The following MCC variants were observed in gnomAD, a reference collection of about 807,000 sequenced individuals.
MCC encodes the protein colorectal mutant cancer protein.
MCC carries 90 observed loss-of-function variants against 116.2 expected under a neutral mutation model. That is an observed-to-expected ratio of 0.77 (90% confidence interval 0.65 to 0.92). The LOEUF is 0.92. Among genes scored for constraint, MCC ranks in the 40% least tolerant of loss-of-function variants. The pLI, the probability that MCC is intolerant of heterozygous loss-of-function variation, is 0.00. For synonymous variants in MCC, 578 were observed against 510.5 expected, an observed-to-expected ratio of 1.13 and a Z score of -1.78; for missense variants, 1,516 against 1,312.2, an observed-to-expected ratio of 1.16 and a Z score of -2.40.
At chr5:113,257,830 C>T (rs1244511671) in intron 3 of MCC, among the ~76,000 whole-genome samples, 1 of 152,130 alleles carries the variant, frequency 6.6e-6, no homozygotes, top group African/African-American at 2.4e-5. Flanking sequence ...ATAATCAATA[C>T]CACATGTTCC....
At chr5:113,240,442 A>G (rs1463685819) in intron 3 of MCC, among the ~76,000 whole-genome samples, 3 of 152,212 alleles carry the variant, frequency 2.0e-5, no homozygotes, top group Non-Finnish European at 1.5e-5. Context: ...GAATCTGTTT[A>G]TAAGGCTTTG....
At chr5:113,311,933 T>C (rs1486646601) in intron 3 of MCC, among the ~76,000 whole-genome samples, 1 of 151,868 alleles carries the variant, frequency 6.6e-6, no homozygotes, top group African/African-American at 2.4e-5. Flanking sequence ...TGGTGAAACG[T>C]TGTCTCTACT....
rs938230969 is a variant in MCC, at chr5:113,046,189, A to C, written c.2656-2559T>G. Among the ~76,000 whole-genome samples the C allele has an allele frequency of 4.6e-5, 7 of 151,532 alleles. No individual in the cohort carries two copies. The East Asian group carries it at 9.7e-4, about 21-fold the overall frequency. On this transcript the variant is annotated intron_variant, in intron 16 of 18. Coordinates refer to ENST00000408903, the MANE Select transcript of MCC (RefSeq NM_001085377.2). The stretch of plus-strand genomic sequence containing the variant: ...ATCATCTGGCCTTTTCCATAGGATA[A>C]ATTTTCTTACTTTTTTTTTTTGAGA...
At chr5:113,083,935 A>T (rs931271953) in intron 10 of MCC, among the ~76,000 whole-genome samples, 166 bp downstream of exon 10, 1 of 152,254 alleles carries the variant, frequency 6.6e-6, no homozygotes, top group African/African-American at 2.4e-5. Flanking sequence ...GATGGAAATC[A>T]TCATACATTT....
At chr5:113,483,604 A>G (rs1772436401) in intron 1 of MCC, among the ~76,000 whole-genome samples, 1 of 152,200 alleles carries the variant, frequency 6.6e-6, no homozygotes, top group South Asian at 2.1e-4. Flanking sequence ...AGTTATTTTT[A>G]AAGAAAAAAT....
intron 3 of MCC, among the ~76,000 whole-genome samples, chr5:113,285,901 A>C (rs1222918902): frequency 1.3e-5 from 2 of 152,254 alleles, no homozygotes; most frequent in Non-Finnish European, 2.9e-5. Context: ...AACGGTTACA[A>C]GATAATAAAT....
At chr5:113,041,755 G>C (rs940417481) in intron 17 of MCC, among the ~76,000 whole-genome samples, 1 of 152,232 alleles carries the variant, frequency 6.6e-6, no homozygotes, top group African/African-American at 2.4e-5. Flanking sequence ...AGCACACTGT[G>C]AGGCCAAGGC....
intron 2 of MCC, among the ~76,000 whole-genome samples, chr5:113,363,409 G>A (rs1768599778): frequency 6.6e-6 from 1 of 152,208 alleles, no homozygotes. Flanking sequence ...CTTCTGGGGA[G>A]GCCTCAGTAA....
intron 1 of MCC, among the ~76,000 whole-genome samples, chr5:113,455,535 A>G (rs1771519328): frequency 6.6e-6 from 1 of 152,222 alleles, no homozygotes; most frequent in African/African-American, 2.4e-5. Context: ...AACTCCTCAC[A>G]GCAGCCCTCT....
At chr5:113,031,230 T>C (rs1307040422) in intron 17 of MCC, among the ~76,000 whole-genome samples, 2 of 152,068 alleles carry the variant, frequency 1.3e-5, no homozygotes, top group African/African-American at 2.4e-5. Flanking sequence ...CAGAACTCAT[T>C]TTTCAGTAAA....
At chr5:113,244,229 G>A (rs1764488605) in intron 3 of MCC, among the ~76,000 whole-genome samples, 2 of 152,154 alleles carry the variant, frequency 1.3e-5, no homozygotes, top group Admixed American at 1.3e-4. Flanking sequence ...GTTGGCCTCA[G>A]CTAATGATAT....
intron 2 of MCC, among the ~76,000 whole-genome samples, chr5:113,346,941 GAA>G (rs781393596): frequency 1.5e-5 from 2 of 131,618 alleles, no homozygotes; most frequent in East Asian, 2.2e-4. Flanking sequence ...AGTGCTGAAG[GAA>G]AAAAAAAAAA....
chr5:113,289,974 G>A (rs1766419990), intron 3 of MCC, among the ~76,000 whole-genome samples: 1 of 152,140 alleles, frequency 6.6e-6, no homozygotes, highest in East Asian at 1.9e-4. Context: ...GGCAAAAAAG[G>A]GTGTGTGAAT....
chr5:113,273,646 T>C (rs1765702025), intron 3 of MCC, among the ~76,000 whole-genome samples: 1 of 152,066 alleles, frequency 6.6e-6, no homozygotes, highest in Non-Finnish European at 1.5e-5. Flanking sequence ...GCAATACAAC[T>C]GTTAGGAAAG....
intron 1 of MCC, among the ~76,000 whole-genome samples, chr5:113,396,104 G>A (rs1182226734): frequency 6.6e-6 from 1 of 152,138 alleles, no homozygotes; most frequent in South Asian, 2.1e-4. Flanking sequence ...GAGGCAGGAG[G>A]ATTGCTTGAG....
chr5:113,031,799 T>C (rs537505710), intron 17 of MCC, among the ~76,000 whole-genome samples: 3 of 152,150 alleles, frequency 2.0e-5, no homozygotes, highest in African/African-American at 7.2e-5. Flanking sequence ...GAGGGAACTT[T>C]CTGGATCTGG....
At chr5:113,123,634 G>T (rs1022766202) in intron 5 of MCC, among the ~76,000 whole-genome samples, 3 of 152,184 alleles carry the variant, frequency 2.0e-5, no homozygotes, top group African/African-American at 7.2e-5. Flanking sequence ...TAGAATTGCA[G>T]TGTGTATTTC....
At chr5:113,308,180 C>G (rs1011350719) in intron 3 of MCC, among the ~76,000 whole-genome samples, 2 of 152,066 alleles carry the variant, frequency 1.3e-5, no homozygotes, top group Non-Finnish European at 2.9e-5. Flanking sequence ...TGCAATGTTG[C>G]CCAGGGTGGT....
intron 2 of MCC, among the ~76,000 whole-genome samples, chr5:113,372,173 C>A (rs1263767662): frequency 6.6e-6 from 1 of 152,172 alleles, no homozygotes; most frequent in African/African-American, 2.4e-5. Flanking sequence ...GAATTACCAC[C>A]TGAGATAAAC....
Sources: gnomAD v4.1 joint callset for allele counts (sites outside exome capture counted in the v4.1 genomes callset) on GRCh38, gnomAD v4.1.1 for gene constraint, MANE v1.5 for transcripts, NCBI Gene and HGNC (gene_info 2026-07-23, HGNC 2026-07-21) for gene names.